Variants in LONRF2 observed in about 807,000 individuals in gnomAD.
LONRF2 encodes LON peptidase N-terminal domain and ring finger 2.
Under a neutral mutation model 66.6 loss-of-function variants are expected in LONRF2, and 35 were observed. The observed-to-expected ratio is 0.53, with a 90% CI of 0.40 to 0.70. The LOEUF is 0.70. Ranked by LOEUF, LONRF2 falls within the 30% of genes least tolerant of loss-of-function variation. The probability of loss-of-function intolerance (pLI) is 0.00; values close to 1 mark genes in which losing one functional copy is unlikely to be tolerated. For missense variants in LONRF2, 902 were observed against 1,002.1 expected (o/e 0.90, Z 1.35); for synonymous variants, 417 against 418.1 (o/e 1.00, Z 0.03).
In LONRF2 at chr2:100,277,338, C is replaced by T. The variant is rs1181099126; in HGVS notation, c.*6960G>A. 1 of 152,182 alleles carries T rather than the reference C, an allele frequency of 6.6e-6. No homozygotes were observed. The highest frequency in any genetic ancestry group is 1.5e-5 in the Non-Finnish European group (1 of 68,054). The allele number at this position is 152,182 out of a possible 1,614,324, so 9.4% of individuals were successfully genotyped here. The stretch of plus-strand genomic sequence containing the variant: ...TAAATGGCTGGATGCCTACTGGGCT[C>T]TCCTGGACACAGAGGCTCTCAAAGA... On this transcript the variant is annotated 3_prime_UTR_variant, in exon 12 of 12. Transcript: ENST00000393437.
chr2:100,298,997 T>C, intron 6 of LONRF2, 47 bp from the exon 7 acceptor site: 1 of 1,443,594 alleles, frequency 6.9e-7, no homozygotes, highest in Non-Finnish European at 9.8e-7. Context: ...AGGACAGACT[T>C]TCAAATCATG....
At chr2:100,318,310 A>T (rs1369259865) in intron 1 of LONRF2, among the ~76,000 whole-genome samples, 1 of 152,184 alleles carries the variant, frequency 6.6e-6, no homozygotes, top group African/African-American at 2.4e-5. Context: ...TTTTTTATGG[A>T]CAATTGTCTT....
In LONRF2 at chr2:100,273,288, A is replaced by ATGTGAGCGAAGAAAACTGATTTAT. The variant is rs1674534192; in HGVS notation, c.*10986_*11009dup. The ATGTGAGCGAAGAAAACTGATTTAT allele has an allele frequency of 6.6e-6, 1 of 152,244 alleles. No homozygotes were observed. Among genetic ancestry groups the ATGTGAGCGAAGAAAACTGATTTAT allele is most frequent in the South Asian group, 2.1e-4 (1 of 4,828 alleles). The allele number at this position is 152,244 out of a possible 1,614,324, so 9.4% of individuals were successfully genotyped here. A position where few individuals can be genotyped will look rare whatever the true frequency, so the allele number is the denominator to read the frequency against. On this transcript the variant is annotated 3_prime_UTR_variant, in exon 12 of 12. Transcript: ENST00000393437. ...GGCTTTGGATTTCTAATGTCCAGAA[A>ATGTGAGCGAAGAAAACTGATTTAT]TGTGAGCGAAGAAAACTGATTTATT...
chr2:100,287,648 G>C (rs1674874602), intron 10 of LONRF2, among the ~76,000 whole-genome samples: 1 of 152,204 alleles, frequency 6.6e-6, no homozygotes, highest in Non-Finnish European at 1.5e-5. Flanking sequence ...TCCAGCTTGT[G>C]GTCGGCCACA....
rs1010495035 is a variant in LONRF2, at chr2:100,283,339, T to A, written c.*959A>T. On this transcript the variant is annotated 3_prime_UTR_variant, in exon 12 of 12. Transcript: ENST00000393437. ...TTTTCCTGGAATAGATAGATTACCATGGCATGGCAGATTTTTTAATGTTTT... is the reference window on the plus strand; with the variant it reads ...TTTTCCTGGAATAGATAGATTACCAAGGCATGGCAGATTTTTTAATGTTTT... 2.6e-5 allele frequency: 4 copies of A among 152,234 alleles called. No homozygotes were observed. Among genetic ancestry groups the A allele is most frequent in the African/African-American group, 9.6e-5 (4 of 41,462 alleles). 9.4% of individuals were successfully genotyped at this position (152,234 alleles called of 1,614,324 possible). A position where few individuals can be genotyped will look rare whatever the true frequency, so the allele number is the denominator to read the frequency against.
chr2:100,273,431 TATTTATTAAAGAAC>T lies in LONRF2; in HGVS notation c.*10853_*10866del, dbSNP rs1316416729. ...GTCTAGCCTATTACTTAGGTGTGAT[TATTTATTAAAGAAC>T]ATTTACAACACTGTAAGTTTTATTC... is the stretch of plus-strand genomic sequence containing the variant. On this transcript the variant is annotated 3_prime_UTR_variant, in exon 12 of 12. Coordinates refer to ENST00000393437, the MANE Select transcript of LONRF2 (RefSeq NM_198461.4). 1.3e-5 allele frequency: 2 copies of T among 152,258 alleles called. No individual in the cohort carries two copies. The highest frequency in any genetic ancestry group is 1.3e-4 in the Admixed American group (2 of 15,290). The allele number at this position is 152,258 out of a possible 1,614,324, so 9.4% of individuals were successfully genotyped here.
chr2:100,309,811 T>C (rs976582046), intron 1 of LONRF2, among the ~76,000 whole-genome samples: 2 of 152,232 alleles, frequency 1.3e-5, no homozygotes, highest in African/African-American at 4.8e-5. Flanking sequence ...TAGCTGGGAT[T>C]ACAGGTATGT....
rs916927135 is a variant in LONRF2, at chr2:100,298,441, AG to A, written c.1476+394del. Among the ~76,000 whole-genome samples the A allele has an allele frequency of 5.3e-5, 8 of 152,336 alleles. No homozygotes were observed. In the East Asian group the frequency reaches 1.5e-3, roughly 29 times the overall value. On this transcript the variant is annotated intron_variant, in intron 7 of 11. Transcript: ENST00000393437. ...TAACTGACAACTGTAAAAGCCCTAAAGGGACTCACCTGTGGTCAGAAATGAT... is the reference window on the plus strand; with the variant it reads ...TAACTGACAACTGTAAAAGCCCTAAAGGACTCACCTGTGGTCAGAAATGAT...
At chr2:100,298,991 C>G in intron 6 of LONRF2, 41 bp from the exon 7 acceptor site, 4 of 1,477,266 alleles carry the variant, frequency 2.7e-6, no homozygotes, top group Non-Finnish European at 3.8e-6. Flanking sequence ...ATGTCCAGGA[C>G]AGACTTTCAA....
chr2:100,299,277 C>G lies in LONRF2; in HGVS notation c.1310G>C (p.Ser437Thr), dbSNP rs1675130556. 6.3e-7 allele frequency: 1 copy of G among 1,595,304 alleles called. No homozygotes were observed. The change falls in exon 6 of 12, where the codon AGT becomes ACT. Residue 437 changes from serine (S) to threonine (T), a missense_variant. Ser to Thr is a moderately conservative substitution (Grantham distance 58). This residue lies in a region of LONRF2 where 317 missense variants were observed against 432.2 expected (regional missense o/e 0.73). Coordinates refer to ENST00000393437, the MANE Select transcript of LONRF2 (RefSeq NM_198461.4). Reference protein sequence around the residue: ...QRSPNSETEESQGLSLDVTDF... With the variant: ...QRSPNSETEETQGLSLDVTDF... Reference sequence around the variant, plus strand: ...AGTTACATCAAGCGAGAGCCCCTGACTTTCTTCTGTCTCAGAGTTTGGGCT... The same window carrying G: ...AGTTACATCAAGCGAGAGCCCCTGAGTTTCTTCTGTCTCAGAGTTTGGGCT...
At position 100,286,990 on chromosome 2, in the gene LONRF2, G is replaced by A. The variant is rs182810197; in HGVS notation, c.1994C>T (p.Ala665Val). 59 of 1,614,124 alleles carry A rather than the reference G, an allele frequency of 3.7e-5. No homozygotes were observed. The highest frequency in any genetic ancestry group is 3.1e-4 in the East Asian group (14 of 44,882). ...SVHQQSVSWF[A>V]SLQDRMKEQI... ...TTCTTTCATGCGATCCTGGAGAGAC[G>A]CGAACCAGGAAACAGACTGTTGATG... The change falls in exon 11 of 12, where the codon GCG becomes GTG. Residue 665 changes from alanine (A) to valine (V), a missense_variant. By Grantham distance (64) the Ala-to-Val change is moderately conservative (BLOSUM62 0). Transcript: ENST00000393437.
At chr2:100,307,005 C>T (rs1675308286) in intron 2 of LONRF2, among the ~76,000 whole-genome samples, 1 of 151,092 alleles carries the variant, frequency 6.6e-6, no homozygotes, top group Admixed American at 6.6e-5. Flanking sequence ...ACTGCAACCT[C>T]CGCCTCCCGG....
At chr2:100,284,998 A>G (rs1674816058) in intron 11 of LONRF2, among the ~76,000 whole-genome samples, 2 of 152,266 alleles carry the variant, frequency 1.3e-5, no homozygotes, top group African/African-American at 4.8e-5. Context: ...CATAAATTAT[A>G]TATATAAGAA....
At position 100,298,948 on chromosome 2, in the gene LONRF2, A is replaced by C. The variant is rs777308602; in HGVS notation, c.1364T>G (p.Leu455Trp). The change falls in exon 7 of 12, where the codon TTG becomes TGG. Residue 455 changes from leucine (L) to tryptophan (W), a missense_variant and splice_region_variant. By Grantham distance (61) the Leu-to-Trp change is moderately conservative. Coordinates refer to ENST00000393437, the MANE Select transcript of LONRF2 (RefSeq NM_198461.4). The part of the protein sequence containing the change: ...TDFECALCMR[L>W]LFEPVTTPCG... ...GGGCGTAGTGACAGGTTCAAAGAGC[A>C]ATCTGGAAGAAAATATCTGTTTTCA... 1.9e-6 allele frequency: 3 copies of C among 1,609,138 alleles called. No individual in the cohort carries two copies. The highest frequency in any genetic ancestry group is 2.6e-6 in the Non-Finnish European group (3 of 1,175,472).
chr2:100,309,895 A>T (rs1675374987), intron 1 of LONRF2, among the ~76,000 whole-genome samples: 1 of 151,872 alleles, frequency 6.6e-6, no homozygotes, highest in Admixed American at 6.6e-5. Context: ...CTGGTGTCAA[A>T]CTCCCGACCT....
At chr2:100,287,330 A>G (rs1048588537) in intron 10 of LONRF2, among the ~76,000 whole-genome samples, 1 of 152,232 alleles carries the variant, frequency 6.6e-6, no homozygotes, top group East Asian at 1.9e-4. Flanking sequence ...GCTGCATGCA[A>G]TTATATATTT....
chr2:100,309,093 A>C lies in LONRF2; in HGVS notation c.798+14T>G. ...TTCACATTGATTATCTCCAAAGCTAACAAATACAAATACCTTAATCAAGAG... is the reference window on the plus strand; with the variant it reads ...TTCACATTGATTATCTCCAAAGCTACCAAATACAAATACCTTAATCAAGAG... On this transcript the variant is annotated intron_variant, in intron 2 of 11. Transcript: ENST00000393437. 1 of 1,494,264 alleles carries C rather than the reference A, an allele frequency of 6.7e-7. No homozygotes were observed. Among genetic ancestry groups the C allele is most frequent in the Non-Finnish European group, 9.1e-7 (1 of 1,099,352 alleles). 92.6% of individuals were successfully genotyped at this position (1,494,264 alleles called of 1,614,324 possible). A position where few individuals can be genotyped will look rare whatever the true frequency, so the allele number is the denominator to read the frequency against.
chr2:100,289,303 T>A (rs1674909020), intron 10 of LONRF2, among the ~76,000 whole-genome samples: 1 of 151,998 alleles, frequency 6.6e-6, no homozygotes, highest in South Asian at 2.1e-4. Flanking sequence ...GCCTCTGGAG[T>A]CTAAAGTACT....
In LONRF2 at chr2:100,321,372, G is replaced by T. The variant is rs1209964408; in HGVS notation, c.679+43C>A. 3.7e-6 allele frequency: 5 copies of T among 1,367,582 alleles called. No individual in the cohort carries two copies. In the African/African-American group the frequency reaches 4.6e-5, roughly 13 times the overall value. 84.7% of individuals were successfully genotyped at this position (1,367,582 alleles called of 1,614,324 possible). On this transcript the variant is annotated intron_variant, in intron 1 of 11. Coordinates refer to ENST00000393437, the MANE Select transcript of LONRF2 (RefSeq NM_198461.4). Reference sequence around the variant, plus strand: ...CAGCTCCCCACCCCGCTGCTGGGCCGGACAGGTGTAGGGGAGGCGGACCCG... The same window carrying T: ...CAGCTCCCCACCCCGCTGCTGGGCCTGACAGGTGTAGGGGAGGCGGACCCG...
Sources: gnomAD v4.1 joint callset for allele counts (sites outside exome capture counted in the v4.1 genomes callset) on GRCh38, gnomAD v4.1.1 for gene constraint, gnomAD v4.1.1 regional missense constraint, MANE v1.5 for transcripts, NCBI Gene and HGNC (gene_info 2026-07-23, HGNC 2026-07-21) for gene names.